Variants in IGF1R observed in about 807,000 individuals in gnomAD.
The protein encoded by IGF1R is insulin like growth factor 1 receptor, also known as insulin-like growth factor 1 receptor.
IGF1R carries 44 observed loss-of-function variants against 144.6 expected under a neutral mutation model. That is an observed-to-expected ratio of 0.30 (90% CI 0.24 to 0.39). The LOEUF is 0.39. Ranked by LOEUF, IGF1R falls within the 10% of genes least tolerant of loss-of-function variation. The probability of loss-of-function intolerance (pLI) is 1.00; values close to 1 mark genes in which losing one functional copy is unlikely to be tolerated. For synonymous variants in IGF1R, 795 were observed against 722.8 expected (o/e 1.10, Z -1.60); for missense variants, 1,355 against 1,833.7 (o/e 0.74, Z 4.77).
chr15:98,915,878 G>GT (rs1269975967), intron 8 of IGF1R, 86 bp from the exon 9 acceptor site: 8 of 1,253,554 alleles, frequency 6.4e-6, no homozygotes, highest in South Asian at 1.2e-5. Context: ...CAAACTGGCA[G>GT]TTTCCTGTTG....
intron 13 of IGF1R, among the ~76,000 whole-genome samples, chr15:98,928,409 TG>T (rs2015809823): frequency 6.6e-6 from 1 of 152,238 alleles, no homozygotes; most frequent in African/African-American, 2.4e-5. Context: ...TCCCTCCGTC[TG>T]TCCTCAGCAC....
chr15:98,819,029 A>G (rs1383368923), intron 2 of IGF1R, among the ~76,000 whole-genome samples: 1 of 151,976 alleles, frequency 6.6e-6, no homozygotes, highest in Non-Finnish European at 1.5e-5. Flanking sequence ...GGGAGGGAGG[A>G]GCAGTGTAGT....
intron 10 of IGF1R, 115 bp downstream of exon 10, chr15:98,916,991 GCCACTGAGACGGA>G: frequency 1.1e-6 from 1 of 881,582 alleles, no homozygotes; most frequent in Non-Finnish European, 1.9e-6. Flanking sequence ...CAATACAGTA[GCCACTGAGACGGA>G]GCCGAAAAAG....
At chr15:98,790,016 G>A (rs1444468920) in intron 2 of IGF1R, among the ~76,000 whole-genome samples, 3 of 152,188 alleles carry the variant, frequency 2.0e-5, no homozygotes, top group Non-Finnish European at 2.9e-5. Context: ...TGTAGTTTGT[G>A]CTCTAGGATT....
In IGF1R at chr15:98,913,232, A is replaced by G. The variant is rs1596442115; in HGVS notation, c.1778A>G (p.His593Arg). The change falls in exon 8 of 21, where the codon CAT (histidine) becomes CGT (arginine). Residue 593 changes from histidine to arginine, a missense_variant. By Grantham distance (29) the His-to-Arg change is conservative (BLOSUM62 0). Around this residue, in one of 7 missense-constraint regions of IGF1R, gnomAD observed 880 missense variants for 1,202.7 expected, o/e 0.73. Transcript: ENST00000650285. ...AVTLTMVEND[H>R]IRGAKSEILY... ...ACCCTCACCATGGTGGAGAACGACC[A>G]TATCCGTGGGGCCAAGAGTGAGATC... 1 of 1,614,228 alleles carries G rather than the reference A, an allele frequency of 6.2e-7. No homozygotes were observed. Among genetic ancestry groups the G allele is most frequent in the Non-Finnish European group, 8.5e-7 (1 of 1,180,034 alleles).
At chr15:98,673,181 G>T (rs2052942761) in intron 1 of IGF1R, among the ~76,000 whole-genome samples, 1 of 152,074 alleles carries the variant, frequency 6.6e-6, no homozygotes. Flanking sequence ...GATTATTGTA[G>T]GGTCCTTTTG....
At chr15:98,938,355 T>C (rs1476674086) in intron 17 of IGF1R, among the ~76,000 whole-genome samples, 1 of 152,210 alleles carries the variant, frequency 6.6e-6, no homozygotes, top group African/African-American at 2.4e-5. Flanking sequence ...GTTGCACTTG[T>C]ATATGCAAAA....
chr15:98,750,307 T>C (rs951892015), intron 2 of IGF1R, among the ~76,000 whole-genome samples: 2 of 152,114 alleles, frequency 1.3e-5, no homozygotes, highest in African/African-American at 4.8e-5. Flanking sequence ...CCCTGAGACT[T>C]TGTGGGTCAC....
chr15:98,760,179 T>TTA (rs2055257219), intron 2 of IGF1R, among the ~76,000 whole-genome samples: 1 of 145,026 alleles, frequency 6.9e-6, no homozygotes, highest in African/African-American at 2.5e-5. Context: ...TGTCTCTACT[T>TTA]AAAAAAAAAA....
chr15:98,964,156 G>A lies in IGF1R; in HGVS notation c.*6714G>A, dbSNP rs1458751695. The A allele has an allele frequency of 1.3e-5, 3 of 232,728 alleles. No homozygotes were observed. Among genetic ancestry groups the A allele is most frequent in the Admixed American group, 1.1e-4 (2 of 17,756 alleles). 14.4% of individuals were successfully genotyped at this position (232,728 alleles called of 1,614,324 possible). The stretch of plus-strand genomic sequence containing the variant: ...TAAAAAAAATCAAACCAGAAGGCGG[G>A]ATGGAATGGATGCACCGCAAATAAT... On this transcript the variant is annotated 3_prime_UTR_variant, in exon 21 of 21. Transcript: ENST00000650285.
intron 2 of IGF1R, among the ~76,000 whole-genome samples, chr15:98,768,220 A>G (rs181736935): frequency 1.3e-5 from 2 of 152,202 alleles, no homozygotes; most frequent in African/African-American, 2.4e-5. Flanking sequence ...TTTTTTTTGT[A>G]TCTTTGATTT....
At chr15:98,956,395 C>A (rs1359633498) in intron 20 of IGF1R, among the ~76,000 whole-genome samples, 1 of 152,232 alleles carries the variant, frequency 6.6e-6, no homozygotes, top group African/African-American at 2.4e-5. Flanking sequence ...TCGTTTGGTC[C>A]AGAACAGCCT....
intron 8 of IGF1R, among the ~76,000 whole-genome samples, chr15:98,915,120 A>G (rs2015187686): frequency 2.6e-5 from 4 of 152,188 alleles, no homozygotes; most frequent in Admixed American, 2.0e-4. Flanking sequence ...AAAAACCATC[A>G]ACATTGATGC....
rs1208103680 is a variant in IGF1R at position 98,649,586 on chromosome 15, A to G, written c.5A>G (p.Lys2Arg). Residue 2 changes from lysine to arginine, a missense_variant, in exon 1 of 21, where the codon AAG becomes AGG. Physicochemically the swap from Lys to Arg is conservative, Grantham distance 26. Around this residue, in one of 7 missense-constraint regions of IGF1R, gnomAD observed 49 missense variants for 34.7 expected, o/e 1.41. Coordinates refer to ENST00000650285, the MANE Select transcript of IGF1R (RefSeq NM_000875.5). Reference protein sequence around the residue: MKSGSGGGSPTS... With the variant: MRSGSGGGSPTS... ...ATTTCATCCCAAATAAAAGGAATGA[A>G]GTCTGGCTCCGGAGGAGGGTCCCCG... The G allele has an allele frequency of 1.3e-6, 2 of 1,563,358 alleles. No individual in the cohort carries two copies. The highest frequency in any genetic ancestry group is 1.8e-6 in the Non-Finnish European group (2 of 1,141,834).
chr15:98,893,632 A>G (rs2014036990), intron 3 of IGF1R: 1 of 152,200 alleles, frequency 6.6e-6, no homozygotes, highest in Admixed American at 6.5e-5. Flanking sequence ...TCAGTGTGCT[A>G]TCGTCTTTGT....
chr15:98,876,751 G>A (rs1006792775), intron 2 of IGF1R, among the ~76,000 whole-genome samples: 20 of 152,040 alleles, frequency 1.3e-4, no homozygotes, highest in African/African-American at 4.8e-4. Context: ...GTGTTCTTTG[G>A]TACAGTTCCC....
chr15:98,862,472 G>A (rs373956317), intron 2 of IGF1R, among the ~76,000 whole-genome samples: 2 of 152,316 alleles, frequency 1.3e-5, no homozygotes, highest in East Asian at 1.9e-4. Context: ...TGGGATGCCC[G>A]GTTCTCTACC....
rs890361771 is a variant in IGF1R, at chr15:98,689,234, C to CTT, written c.95-18305_95-18304dup. Among the ~76,000 whole-genome samples, 238 of 100,938 alleles carry CTT rather than the reference C, an allele frequency of 2.4e-3. 4 individuals carry two copies. Among genetic ancestry groups the CTT allele is most frequent in the Middle Eastern group, 5.6e-3 (1 of 178 alleles). 66.2% of individuals were successfully genotyped at this position (100,938 alleles called of 152,430 possible). ...CAAGCAGCTTTGGACAGTTGCACTA[C>CTT]TTTTTTTTTTTTTTTTTTTTTTTTG... On this transcript the variant is annotated intron_variant, in intron 1 of 20. Coordinates refer to ENST00000650285, the MANE Select transcript of IGF1R (RefSeq NM_000875.5).
At chr15:98,920,808 G>A (rs1684508531) in intron 10 of IGF1R, among the ~76,000 whole-genome samples, 1 of 152,150 alleles carries the variant, frequency 6.6e-6, no homozygotes, top group Non-Finnish European at 1.5e-5. Flanking sequence ...ACACAAAGAA[G>A]GACCGTGTTT....
Sources: gnomAD v4.1 joint callset for allele counts (sites outside exome capture counted in the v4.1 genomes callset) on GRCh38, gnomAD v4.1.1 for gene constraint, gnomAD v4.1.1 regional missense constraint, MANE v1.5 for transcripts, NCBI Gene and HGNC (gene_info 2026-07-23, HGNC 2026-07-21) for gene names.